Variants in RAB17 observed in about 807,000 individuals in gnomAD.
RAB17 encodes the protein RAB17, member RAS oncogene family.
Under a neutral mutation model 19.3 loss-of-function variants are expected in RAB17, and 15 were observed. That is an observed-to-expected ratio of 0.78 (90% CI 0.52 to 1.20). The LOEUF is 1.20. RAB17 is among the 50% of genes most tolerant of loss of function. The probability of loss-of-function intolerance (pLI) is 0.00; values close to 1 mark genes in which losing one functional copy is unlikely to be tolerated. For missense variants in RAB17, 262 were observed against 269.3 expected (o/e 0.97, Z 0.19); for synonymous variants, 110 against 112.8 (o/e 0.97, Z 0.16).
chr2:237,586,268 G>C, intron 1 of RAB17, 111 bp from the exon 2 acceptor site: 2 of 1,160,802 alleles, frequency 1.7e-6, no homozygotes, highest in Non-Finnish European at 2.3e-6. Flanking sequence ...CCAATACAGA[G>C]CTCCCAACTC....
chr2:237,580,649 G>A (rs1441768800), intron 2 of RAB17, among the ~76,000 whole-genome samples: 1 of 151,986 alleles, frequency 6.6e-6, no homozygotes, highest in African/African-American at 2.4e-5. Flanking sequence ...CGAAGCAGGA[G>A]AATCGCTTGA....
rs2081247790 is a variant in RAB17 at position 237,574,795 on chromosome 2, A to G, written c.*224T>C. 5 of 986,460 alleles carry G rather than the reference A, an allele frequency of 5.1e-6. No individual in the cohort carries two copies. The allele number at this position is 986,460 out of a possible 1,614,324, so 61.1% of individuals were successfully genotyped here. A position where few individuals can be genotyped will look rare whatever the true frequency, so the allele number is the denominator to read the frequency against. ...AGGCATCGGGGAATCAGATGGTATC[A>G]GTGGGGATAGGGCACAGCACTTTCC... On this transcript the variant is annotated 3_prime_UTR_variant, in exon 6 of 6. Transcript: ENST00000264601.
Position 237,586,056 on chromosome 2 carries a change from G to A in RAB17, c.99C>T (p.Ser33=). 1.2e-6 allele frequency: 2 copies of A among 1,613,608 alleles called. No individual in the cohort carries two copies. The highest frequency in any genetic ancestry group is 1.7e-6 in the Non-Finnish European group (2 of 1,179,766). Reference sequence around the variant, plus strand: ...TCTTCACGTACCGAAGAGCCAAGCTGGACTTACCCACGGAGCCACTTCCCA... The same window carrying A: ...TCTTCACGTACCGAAGAGCCAAGCTAGACTTACCCACGGAGCCACTTCCCA... ...VLLGSGSVGK[S]SLALRYVKND... Residue 33 remains serine, a synonymous_variant, in exon 2 of 6, where the codon TCC becomes TCT. Coordinates refer to ENST00000264601, the MANE Select transcript of RAB17 (RefSeq NM_022449.4).
intron 3 of RAB17, 184 bp downstream of exon 3, chr2:237,577,820 A>C (rs879807164): frequency 1.7e-4 from 114 of 667,298 alleles, no homozygotes; most frequent in Non-Finnish European, 2.8e-4. Flanking sequence ...TGGACCACGG[A>C]GGAGCAGAAC....
intron 4 of RAB17, chr2:237,576,493 T>C (rs1054578909): frequency 9.0e-6 from 4 of 445,690 alleles, no homozygotes; most frequent in African/African-American, 8.2e-5. Flanking sequence ...CTCCCCTTGC[T>C]CTCCCCCGAG....
At chr2:237,577,668 G>A (rs773735192) in intron 3 of RAB17, 5 of 473,594 alleles carry the variant, frequency 1.1e-5, no homozygotes, top group African/African-American at 1.9e-5. Flanking sequence ...CAGGCCTCGA[G>A]CTCCTGAATC....
chr2:237,575,254 C>T, intron 5 of RAB17, 126 bp from the exon 6 acceptor site: 1 of 1,007,836 alleles, frequency 9.9e-7, no homozygotes, highest in Non-Finnish European at 1.5e-6. Flanking sequence ...ACAAGGGCCT[C>T]CTGCCCCTCC....
In RAB17 at chr2:237,574,663, G is replaced by A. The variant is rs141693773; in HGVS notation, c.*356C>T. On this transcript the variant is annotated 3_prime_UTR_variant, in exon 6 of 6. Coordinates refer to ENST00000264601, the MANE Select transcript of RAB17 (RefSeq NM_022449.4). ...GTGCCCCCATCAAGATCAGACGTAAGGCATCTTCCCACCGTCGCTGTGCTG... is the reference window on the plus strand; with the variant it reads ...GTGCCCCCATCAAGATCAGACGTAAAGCATCTTCCCACCGTCGCTGTGCTG... 5.2e-3 allele frequency: 7,593 copies of A among 1,465,174 alleles called. 22 individuals are homozygous for A. The highest frequency in any genetic ancestry group is 6.1e-3 in the Non-Finnish European group (6,708 of 1,105,976). 90.8% of individuals were successfully genotyped at this position (1,465,174 alleles called of 1,614,324 possible). A position where few individuals can be genotyped will look rare whatever the true frequency, so the allele number is the denominator to read the frequency against.
chr2:237,584,184 AC>A (rs955461676), intron 2 of RAB17, among the ~76,000 whole-genome samples: 34 of 147,698 alleles, frequency 2.3e-4, no homozygotes, highest in Middle Eastern at 7.0e-3. Context: ...CCCACACATC[AC>A]CCCCCCACCC....
intron 4 of RAB17, chr2:237,576,546 C>T (rs1458589676): frequency 4.2e-6 from 2 of 470,640 alleles, no homozygotes; most frequent in Non-Finnish European, 8.8e-6. Flanking sequence ...TCTCCACAGC[C>T]TCCATTGAAG....
Position 237,578,150 on chromosome 2 carries a change from A to T in RAB17, c.163T>A (p.Phe55Ile), listed in dbSNP as rs774734107. Residue 55 changes from phenylalanine (F) to isoleucine (I), a missense_variant, in exon 3 of 6, where the codon TTC becomes ATC. Transcript: ENST00000264601. ...KSILPTVGCA[F>I]FTKVVDVGAT... ...CCCACATCCACCACCTTTGTGAAGA[A>T]CGCACCTGAAACAGGGAGGCCCAGA... 12 of 1,609,296 alleles carry T rather than the reference A, an allele frequency of 7.5e-6. No homozygotes were observed. The highest frequency in any genetic ancestry group is 9.4e-6 in the Non-Finnish European group (11 of 1,176,208).
intron 1 of RAB17, among the ~76,000 whole-genome samples, chr2:237,587,607 C>T (rs546486892): frequency 6.6e-6 from 1 of 152,172 alleles, no homozygotes; most frequent in African/African-American, 2.4e-5. Context: ...CCAAGAAGAT[C>T]GTTCTAGAGA....
At chr2:237,589,626 C>G (rs887968853) in intron 1 of RAB17, among the ~76,000 whole-genome samples, 1 of 152,044 alleles carries the variant, frequency 6.6e-6, no homozygotes, top group Non-Finnish European at 1.5e-5. Flanking sequence ...GAGGTTGGAG[C>G]CTTCTGTCCA....
intron 1 of RAB17, among the ~76,000 whole-genome samples, chr2:237,587,598 CAAG>C (rs918965151): frequency 7.9e-5 from 12 of 152,148 alleles, no homozygotes; most frequent in Middle Eastern, 3.4e-3. Context: ...TCCTAGATAC[CAAG>C]AAGATCGTTC....
Position 237,574,549 on chromosome 2 carries a change from G to T in RAB17, c.*470C>A, listed in dbSNP as rs1241422831. 8 of 1,550,148 alleles carry T rather than the reference G, an allele frequency of 5.2e-6. No individual in the cohort carries two copies. Among genetic ancestry groups the T allele is most frequent in the South Asian group, 1.2e-5 (1 of 83,936 alleles). On this transcript the variant is annotated 3_prime_UTR_variant, in exon 6 of 6. Coordinates refer to ENST00000264601, the MANE Select transcript of RAB17 (RefSeq NM_022449.4). ...AAATCCTGGGCCCACCCCACAGTCA[G>T]TCATCGCTCCATTTCTTCCTGGCAC...
intron 1 of RAB17, among the ~76,000 whole-genome samples, chr2:237,589,395 G>T (rs12616673): frequency 0.19 from 28,856 of 151,956 alleles, 5,195 homozygotes; most frequent in African/African-American, 0.47. Flanking sequence ...ATTATTATCC[G>T]ATGGGTAAGA....
chr2:237,589,467 A>G, intron 1 of RAB17, among the ~76,000 whole-genome samples: 1 of 152,232 alleles, frequency 6.6e-6, no homozygotes, highest in East Asian at 1.9e-4. Flanking sequence ...TGGACATATA[A>G]CATTTCTACA....
chr2:237,580,949 C>G (rs1400173121), intron 2 of RAB17, among the ~76,000 whole-genome samples: 1 of 152,174 alleles, frequency 6.6e-6, no homozygotes, highest in Non-Finnish European at 1.5e-5. Flanking sequence ...CAGGTGGGCC[C>G]CTGGACAGGT....
Position 237,578,047 on chromosome 2 carries a change from C to A in RAB17, c.266G>T (p.Arg89Met). The A allele has an allele frequency of 1.2e-6, 2 of 1,613,470 alleles. No individual in the cohort carries two copies. Among genetic ancestry groups the A allele is most frequent in the Non-Finnish European group, 1.7e-6 (2 of 1,179,432 alleles). The change falls in exon 3 of 6, where the codon AGG (arginine) becomes ATG (methionine). Residue 89 changes from arginine to methionine, a missense_variant. By Grantham distance (91) the Arg-to-Met change is moderately conservative (BLOSUM62 -1). Transcript: ENST00000264601. ...KYHSVCHLYF[R>M]GANAALLVYD... Reference sequence around the variant, plus strand: ...CACCAGAAGCGCAGCGTTGGCACCCCTGAAGTAGAGGTGGCAGACGCTGTG... The same window carrying A: ...CACCAGAAGCGCAGCGTTGGCACCCATGAAGTAGAGGTGGCAGACGCTGTG...
Sources: gnomAD v4.1 joint callset for allele counts (sites outside exome capture counted in the v4.1 genomes callset) on GRCh38, gnomAD v4.1.1 for gene constraint, MANE v1.5 for transcripts, NCBI Gene and HGNC (gene_info 2026-07-23, HGNC 2026-07-21) for gene names.